SMARCA2: variants seen among roughly 807,000 people sequenced by gnomAD.
SMARCA2 encodes the protein SWI/SNF-related matrix-associated actin-dependent regulator of chromatin subfamily A member 2.
In SMARCA2, 61 loss-of-function variants were observed where a neutral mutation model predicts 199.8. The ratio of observed to expected loss-of-function variants is 0.31; its 90% CI spans 0.25 to 0.38. The LOEUF is 0.38. SMARCA2 is among the 10% of genes least tolerant of loss of function. The probability of loss-of-function intolerance (pLI) is 1.00; values close to 1 mark genes in which losing one functional copy is unlikely to be tolerated. For synonymous variants in SMARCA2, 935 were observed against 732.0 expected (o/e 1.28, Z -4.48); for missense variants, 1,344 against 2,012.2 (o/e 0.67, Z 6.35).
intron 13 of SMARCA2, 147 bp from the exon 14 acceptor site, chr9:2,077,482 G>A (rs771116077): frequency 5.8e-6 from 4 of 692,260 alleles, no homozygotes; most frequent in African/African-American, 3.6e-5. Flanking sequence ...TACAGATAGT[G>A]TATATTAACT....
chr9:2,153,348 G>C (rs139578787), intron 27 of SMARCA2, among the ~76,000 whole-genome samples: 1 of 152,130 alleles, frequency 6.6e-6, no homozygotes, highest in Non-Finnish European at 1.5e-5. Context: ...ACAAGTGTAA[G>C]CAACATAGCC....
rs74587303 is a variant in SMARCA2 at position 2,193,571 on chromosome 9, C to T, written c.*832C>T. 15 of 152,578 alleles carry T rather than the reference C, an allele frequency of 9.8e-5. No individual in the cohort carries two copies. The highest frequency in any genetic ancestry group is 1.9e-4 in the African/African-American group (8 of 41,420). 9.5% of individuals were successfully genotyped at this position (152,578 alleles called of 1,614,324 possible). The stretch of plus-strand genomic sequence containing the variant: ...GAGGCAAATAAAATTCCAGTAATTT[C>T]GAAGAATGTGGTGTTGGTGCTTTCC... On this transcript the variant is annotated 3_prime_UTR_variant, in exon 34 of 34. Coordinates refer to ENST00000349721, the MANE Select transcript of SMARCA2 (RefSeq NM_003070.5).
chr9:2,114,625 C>T (rs929814256), intron 24 of SMARCA2, among the ~76,000 whole-genome samples: 1 of 152,142 alleles, frequency 6.6e-6, no homozygotes, highest in African/African-American at 2.4e-5. Context: ...TGAATAAAAG[C>T]CACATGCCAA....
intron 3 of SMARCA2, among the ~76,000 whole-genome samples, chr9:2,038,598 A>G (rs556297949): frequency 1.3e-5 from 2 of 152,168 alleles, no homozygotes; most frequent in Non-Finnish European, 2.9e-5. Context: ...GTTATTTACT[A>G]TATATTCTAG....
At chr9:2,041,405 T>C (rs1432480860) in intron 4 of SMARCA2, 2 of 398,536 alleles carry the variant, frequency 5.0e-6, no homozygotes, top group Admixed American at 4.4e-5. Flanking sequence ...TCCTGATTCA[T>C]AGATGGCTTC....
chr9:2,094,125 G>A (rs951073993), intron 19 of SMARCA2, among the ~76,000 whole-genome samples: 2 of 152,158 alleles, frequency 1.3e-5, no homozygotes, highest in African/African-American at 4.8e-5. Flanking sequence ...GATATCCCAG[G>A]CCTGGAGACA....
intron 29 of SMARCA2, among the ~76,000 whole-genome samples, chr9:2,175,790 G>GT (rs1826540435): frequency 6.6e-6 from 1 of 152,054 alleles, no homozygotes; most frequent in African/African-American, 2.4e-5. Flanking sequence ...CCTTCTGGTC[G>GT]TTTTTCAATG....
chr9:2,102,612 G>A (rs890845542), intron 22 of SMARCA2, among the ~76,000 whole-genome samples: 1 of 152,044 alleles, frequency 6.6e-6, no homozygotes, highest in East Asian at 1.9e-4. Flanking sequence ...GAAAAAAATG[G>A]GTGAACTGTA....
chr9:2,186,382 C>T (rs1827456421), intron 32 of SMARCA2, among the ~76,000 whole-genome samples, 154 bp downstream of exon 32: 1 of 152,182 alleles, frequency 6.6e-6, no homozygotes, highest in South Asian at 2.1e-4. Flanking sequence ...GTGGCCATGT[C>T]CTTATCCCTG....
intron 8 of SMARCA2, among the ~76,000 whole-genome samples, chr9:2,059,954 A>C (rs771623333): frequency 2.6e-5 from 4 of 152,068 alleles, no homozygotes; most frequent in Non-Finnish European, 5.9e-5. Context: ...AAAATGGCTT[A>C]GAGTACATCA....
chr9:2,126,406 C>A (rs928339960), intron 27 of SMARCA2, among the ~76,000 whole-genome samples: 2 of 152,256 alleles, frequency 1.3e-5, no homozygotes, highest in African/African-American at 4.8e-5. Context: ...ATGCAACATG[C>A]CCCATGGCCT....
intron 5 of SMARCA2, among the ~76,000 whole-genome samples, chr9:2,050,918 T>C (rs1820090436): frequency 6.6e-6 from 1 of 152,226 alleles, no homozygotes; most frequent in Non-Finnish European, 1.5e-5. Context: ...CTGTTCAATC[T>C]GTATGAAAAA....
At chr9:2,096,845 A>T (rs954446753) in intron 20 of SMARCA2, 81 bp downstream of exon 20, 1 of 848,906 alleles carries the variant, frequency 1.2e-6, no homozygotes, top group African/African-American at 1.7e-5. Context: ...CACAGGAAGC[A>T]TCCCTGCTAA....
chr9:2,104,290 G>C lies in SMARCA2; in HGVS notation c.3292+121G>C. The C allele has an allele frequency of 1.1e-6, 1 of 920,848 alleles. No homozygotes were observed. Among genetic ancestry groups the C allele is most frequent in the Non-Finnish European group, 1.6e-6 (1 of 620,548 alleles). 57.0% of individuals were successfully genotyped at this position (920,848 alleles called of 1,614,324 possible). A position where few individuals can be genotyped will look rare whatever the true frequency, so the allele number is the denominator to read the frequency against. On this transcript the variant is annotated intron_variant, in intron 23 of 33. Transcript: ENST00000349721. The surrounding 1 kb of genome is among the most constrained non-coding windows in gnomAD (Gnocchi z 4.0). ...AATTGAAGAATTGACTAGAAGCATTGGGAGCAGTTTTTCTAGATAGCAATT... is the reference window on the plus strand; with the variant it reads ...AATTGAAGAATTGACTAGAAGCATTCGGAGCAGTTTTTCTAGATAGCAATT...
At chr9:2,025,810 A>T (rs1818804640) in intron 1 of SMARCA2, among the ~76,000 whole-genome samples, 1 of 152,180 alleles carries the variant, frequency 6.6e-6, no homozygotes, top group African/African-American at 2.4e-5. Context: ...TGCCACCCGA[A>T]ATGTAGAGGA....
At chr9:2,047,603 C>G (rs1819926965) in intron 5 of SMARCA2, 119 bp downstream of exon 5, 1 of 1,158,822 alleles carries the variant, frequency 8.6e-7, no homozygotes, top group Non-Finnish European at 1.1e-6. Context: ...CCCGTGCGGT[C>G]GGAAAACTTT....
At chr9:2,030,684 G>A (rs1442049204) in intron 2 of SMARCA2, among the ~76,000 whole-genome samples, 2 of 151,682 alleles carry the variant, frequency 1.3e-5, no homozygotes, top group South Asian at 2.1e-4. Flanking sequence ...GACATACCCA[G>A]AAATAATGTT....
At chr9:2,122,391 G>A (rs1485478656) in intron 26 of SMARCA2, among the ~76,000 whole-genome samples, 1 of 152,004 alleles carries the variant, frequency 6.6e-6, no homozygotes, top group East Asian at 1.9e-4. Flanking sequence ...CCCCTCTTTA[G>A]AACTGCTGTA....
At chr9:2,085,059 A>G (rs1047991391) in intron 17 of SMARCA2, among the ~76,000 whole-genome samples, 10 of 152,114 alleles carry the variant, frequency 6.6e-5, no homozygotes, top group Admixed American at 5.2e-4. Flanking sequence ...GGTCTATTCT[A>G]CCTCTGCATT....
Sources: gnomAD v4.1 joint callset for allele counts (sites outside exome capture counted in the v4.1 genomes callset) on GRCh38, gnomAD v4.1.1 for gene constraint, Gnocchi (gnomAD v3.1) non-coding constraint, MANE v1.5 for transcripts, NCBI Gene and HGNC (gene_info 2026-07-23, HGNC 2026-07-21) for gene names.